The following LRRK1 variants were observed in gnomAD, a reference collection of about 807,000 sequenced individuals.
LRRK1 encodes leucine rich repeat kinase 1.
Under a neutral mutation model 209.1 loss-of-function variants are expected in LRRK1, and 113 were observed. That is an observed-to-expected ratio of 0.54 (90% CI 0.46 to 0.63). The LOEUF is 0.63. Ranked by LOEUF, LRRK1 falls within the 30% of genes least tolerant of loss-of-function variation. The probability of loss-of-function intolerance (pLI) is 0.00; values close to 1 mark genes in which losing one functional copy is unlikely to be tolerated. For synonymous variants in LRRK1, 1,144 were observed against 1,099.7 expected (o/e 1.04, Z -0.80); for missense variants, 2,284 against 2,632.2 (o/e 0.87, Z 2.89).
intron 5 of LRRK1, 67 bp downstream of exon 5, chr15:100,988,880 CTG>C (rs1377699221): frequency 7.6e-7 from 1 of 1,323,618 alleles, no homozygotes; most frequent in Non-Finnish European, 1.0e-6. Flanking sequence ...AGATGTGGGA[CTG>C]TGTCTTTATT....
chr15:100,962,716 T>C (rs1315464175), intron 2 of LRRK1, among the ~76,000 whole-genome samples: 1 of 146,932 alleles, frequency 6.8e-6, no homozygotes, highest in East Asian at 2.0e-4. Context: ...TCTATATTCA[T>C]AGACTCATTA....
chr15:101,035,073 T>C (rs2034442623), intron 20 of LRRK1, among the ~76,000 whole-genome samples: 2 of 152,128 alleles, frequency 1.3e-5, no homozygotes, highest in Non-Finnish European at 2.9e-5. Context: ...GTATTGTTTT[T>C]TAAGTCTGTA....
intron 2 of LRRK1, among the ~76,000 whole-genome samples, chr15:100,962,545 TA>T (rs1440633168): frequency 1.3e-5 from 2 of 151,396 alleles, no homozygotes; most frequent in African/African-American, 4.9e-5. Context: ...AATAAATAAA[TA>T]AAATTTTAAA....
intron 2 of LRRK1, among the ~76,000 whole-genome samples, chr15:100,944,740 A>C (rs1284906186): frequency 1.3e-5 from 2 of 152,246 alleles, no homozygotes; most frequent in Non-Finnish European, 2.9e-5. Flanking sequence ...AGACATGCAG[A>C]GGAAAAGGAA....
At position 100,919,850 on chromosome 15, in the gene LRRK1, T is replaced by G. The variant is rs1004011291; in HGVS notation, c.-123+399T>G. 6.6e-6 allele frequency among the ~76,000 whole-genome samples: 1 copy of G among 151,824 alleles called. No homozygotes were observed. The highest frequency in any genetic ancestry group is 1.5e-5 in the Non-Finnish European group (1 of 67,944). ...GGAGCCCATAGGTTTCCTCTGCCTT[T>G]GGAGCGAACCCAGTCCCTTAGCGGG... On this transcript the variant is annotated intron_variant, in intron 1 of 33. Coordinates refer to ENST00000388948, the MANE Select transcript of LRRK1 (RefSeq NM_024652.6). The surrounding 1 kb of genome is among the most constrained non-coding windows in gnomAD (Gnocchi z 5.8).
intron 3 of LRRK1, among the ~76,000 whole-genome samples, chr15:100,975,460 A>G (rs2031238913): frequency 6.6e-6 from 1 of 152,140 alleles, no homozygotes; most frequent in African/African-American, 2.4e-5. Context: ...AATAAAGGAA[A>G]ACAGAGTCCA....
intron 22 of LRRK1, 89 bp from the exon 23 acceptor site, chr15:101,049,555 G>A (rs2035280556): frequency 6.8e-7 from 1 of 1,476,108 alleles, no homozygotes; most frequent in Non-Finnish European, 9.2e-7. Flanking sequence ...GTCCCCGGGG[G>A]TTGGTTCCTG....
intron 33 of LRRK1, among the ~76,000 whole-genome samples, chr15:101,067,668 G>C (rs902014464): frequency 6.6e-6 from 1 of 152,216 alleles, no homozygotes; most frequent in African/African-American, 2.4e-5. Flanking sequence ...AACTTTTGCA[G>C]TGAGTCCTGG....
intron 4 of LRRK1, among the ~76,000 whole-genome samples, chr15:100,987,218 G>T (rs1425730069): frequency 2.6e-5 from 4 of 152,062 alleles, no homozygotes; most frequent in Non-Finnish European, 5.9e-5. Context: ...TCCTGACCCC[G>T]GTTTCCTGAT....
At chr15:100,963,942 C>A (rs2030274018) in intron 2 of LRRK1, among the ~76,000 whole-genome samples, 1 of 152,202 alleles carries the variant, frequency 6.6e-6, no homozygotes, top group Non-Finnish European at 1.5e-5. Context: ...CTTTTCCATG[C>A]AATTTTCCCC....
chr15:100,974,224 A>C, intron 3 of LRRK1: 1 of 365,666 alleles, frequency 2.7e-6, no homozygotes, highest in Non-Finnish European at 4.9e-6. Flanking sequence ...CTTAAATGTA[A>C]AGAACAAAAT....
chr15:100,945,568 A>G (rs1476408092), intron 2 of LRRK1, among the ~76,000 whole-genome samples: 2 of 127,700 alleles, frequency 1.6e-5, no homozygotes, highest in African/African-American at 6.0e-5. Flanking sequence ...ACCTCGGCTC[A>G]CTGCAACCTC....
rs766950839 is a variant in LRRK1 at position 101,068,678 on chromosome 15, G to A, written c.5878G>A (p.Val1960Met). The change falls in exon 34 of 34, where the codon GTG becomes ATG. Residue 1960 changes from valine to methionine, a missense_variant. By Grantham distance (21) the Val-to-Met change is conservative. This residue lies in a region of LRRK1 where 643 missense variants were observed against 695.9 expected (regional missense o/e 0.92). Coordinates refer to ENST00000388948, the MANE Select transcript of LRRK1 (RefSeq NM_024652.6). ...ACCCCCTTCTCTCTGCAGGGTGCTG[G>A]TGGATGCTGCCGTGGTGGCAAAGGA... is the stretch of plus-strand genomic sequence containing the variant. ...ARELTPHGVL[V>M]DAAVVAKDTV... The A allele has an allele frequency of 5.0e-6, 8 of 1,597,240 alleles. No individual in the cohort carries two copies. The highest frequency in any genetic ancestry group is 6.8e-6 in the Non-Finnish European group (8 of 1,170,110).
intron 2 of LRRK1, among the ~76,000 whole-genome samples, chr15:100,933,821 CAAAAAAAAAAAAAAAAA>C (rs67129854): frequency 9.3e-5 from 4 of 42,832 alleles, no homozygotes; most frequent in Admixed American, 4.4e-4. Flanking sequence ...GACTCCATCT[CAAAAAAAAAAAAAAAAA>C]AAAAAAAAAA....
In LRRK1 at chr15:101,027,455, C is replaced by A. The variant is rs922573702; in HGVS notation, c.2526+74C>A. On this transcript the variant is annotated intron_variant, in intron 18 of 33. Coordinates refer to ENST00000388948, the MANE Select transcript of LRRK1 (RefSeq NM_024652.6). This position sits in a 1 kb window ranked among gnomAD's most constrained non-coding sequence, Gnocchi z 5.1. ...GTTGGGGGTCCTCACTTCCCCCTCT[C>A]TCCTGTGAAGCCCATGTCTGTGTGG... The A allele has an allele frequency of 7.6e-6, 12 of 1,569,688 alleles. No individual in the cohort carries two copies. Among genetic ancestry groups the A allele is most frequent in the Non-Finnish European group, 1.0e-5 (12 of 1,157,118 alleles).
rs892800888 is a variant in LRRK1, at chr15:101,045,308, C to A, written c.2964-673C>A. Reference sequence around the variant, plus strand: ...CCGTCCTGTACCTGTCCAGTGCCTGCCCCCGCAGCCCCACAGGATGCAGCC... The same window carrying A: ...CCGTCCTGTACCTGTCCAGTGCCTGACCCCGCAGCCCCACAGGATGCAGCC... On this transcript the variant is annotated intron_variant, in intron 20 of 33. Transcript: ENST00000388948. 2.6e-5 allele frequency among the ~76,000 whole-genome samples: 4 copies of A among 152,242 alleles called. No homozygotes were observed. In the South Asian group the frequency reaches 8.3e-4, roughly 32 times the overall value.
chr15:100,978,733 A>G (rs1354983557), intron 3 of LRRK1, among the ~76,000 whole-genome samples: 2 of 152,352 alleles, frequency 1.3e-5, no homozygotes, highest in East Asian at 3.9e-4. Flanking sequence ...CCTTTTAACT[A>G]TTAAGAAAAT....
intron 3 of LRRK1, among the ~76,000 whole-genome samples, chr15:100,975,265 A>G (rs2031224684): frequency 6.6e-6 from 1 of 152,238 alleles, no homozygotes; most frequent in Non-Finnish European, 1.5e-5. Flanking sequence ...AAGCAGCCAG[A>G]GATAGTGGCT....
chr15:100,978,170 A>G (rs2031402609), intron 3 of LRRK1, among the ~76,000 whole-genome samples: 1 of 152,224 alleles, frequency 6.6e-6, no homozygotes, highest in South Asian at 2.1e-4. Context: ...AATACAGAAC[A>G]GTAGAAATTA....
Sources: allele counts gnomAD v4.1 joint callset (sites outside exome capture counted in the v4.1 genomes callset), GRCh38; gene constraint gnomAD v4.1.1; regional missense constraint gnomAD v4.1.1; non-coding constraint Gnocchi (gnomAD v3.1); transcripts MANE v1.5; gene names NCBI Gene and HGNC (gene_info 2026-07-23, HGNC 2026-07-21).